The following WSCD2 variants were observed in gnomAD, a reference collection of about 807,000 sequenced individuals.
WSCD2 encodes the protein sialate:O-sulfotransferase 2.
A neutral mutation model predicts 55.7 loss-of-function variants in WSCD2; 28 were observed. The observed-to-expected ratio is 0.50, with a 90% CI of 0.37 to 0.69. The LOEUF (loss-of-function observed/expected upper bound fraction) is 0.69, where lower values mean the gene tolerates loss of function less well. WSCD2 is among the 30% of genes least tolerant of loss of function. The pLI is 0.00. For missense variants in WSCD2, 616 were observed against 762.1 expected, an observed-to-expected ratio of 0.81 and a Z score of 2.26; for synonymous variants, 301 against 301.9, an observed-to-expected ratio of 1.00 and a Z score of 0.03.
intron 1 of WSCD2, among the ~76,000 whole-genome samples, chr12:108,147,770 T>C (rs977363133): frequency 6.6e-6 from 1 of 151,956 alleles, no homozygotes; most frequent in African/African-American, 2.4e-5. Flanking sequence ...TCCCAGCTTC[T>C]TGGGGAGCTG....
In WSCD2 at chr12:108,211,235, C is replaced by T. The variant is rs568782907; in HGVS notation, c.682+930C>T. On this transcript the variant is annotated intron_variant, in intron 4 of 8. Transcript: ENST00000547525. ...TGGGCTTGATAAAAGATGGGGGGTG[C>T]TGACCTTTCTGGGGGTTACCCCTCC... Among the ~76,000 whole-genome samples the T allele has an allele frequency of 3.9e-5, 6 of 152,298 alleles. No individual in the cohort carries two copies. The East Asian group carries it at 1.2e-3, about 29-fold the overall frequency.
intron 4 of WSCD2, 40 bp from the exon 5 acceptor site, chr12:108,224,699 C>T (rs1384619598): frequency 6.3e-7 from 1 of 1,594,898 alleles, no homozygotes; most frequent in Non-Finnish European, 8.5e-7. Context: ...GATCTGACTC[C>T]TTGTATATCT....
chr12:108,186,668 T>G lies in WSCD2; in HGVS notation c.-551-8614T>G, dbSNP rs149372137. ...ATGCATTTAAGTTTCCTCCATGTCA[T>G]TTAGCCCTGAATAATACTCCACTGT... On this transcript the variant is annotated intron_variant, in intron 1 of 8. Coordinates refer to ENST00000547525, the MANE Select transcript of WSCD2 (RefSeq NM_014653.4). Among the ~76,000 whole-genome samples the G allele has an allele frequency of 2.0e-3, 302 of 152,334 alleles. 1 individual carries two copies. The highest frequency in any genetic ancestry group is 3.4e-3 in the Non-Finnish European group (231 of 68,026).
chr12:108,245,452 A>T (rs1180807334), intron 8 of WSCD2, among the ~76,000 whole-genome samples: 3 of 152,182 alleles, frequency 2.0e-5, no homozygotes, highest in Non-Finnish European at 4.4e-5. Flanking sequence ...GCAGTCAACA[A>T]GGACACTCTG....
At chr12:108,134,800 A>G (rs1234326650) in intron 1 of WSCD2, among the ~76,000 whole-genome samples, 1 of 152,176 alleles carries the variant, frequency 6.6e-6, no homozygotes, top group African/African-American at 2.4e-5. Context: ...CAAAGTGTTT[A>G]CCAGGTGCAC....
At chr12:108,156,239 C>G (rs913648082) in intron 1 of WSCD2, among the ~76,000 whole-genome samples, 1 of 152,162 alleles carries the variant, frequency 6.6e-6, no homozygotes, top group Admixed American at 6.5e-5. Context: ...AGGCTCAGGT[C>G]CGTGTCCTGG....
At position 108,250,202 on chromosome 12, in the gene WSCD2, G is replaced by GTGT. The variant is rs1566005797; in HGVS notation, c.*1859_*1860insTGT. 0.012 allele frequency: 1,550 copies of GTGT among 129,262 alleles called. 9 individuals carry two copies. The highest frequency in any genetic ancestry group is 0.021 in the African/African-American group (655 of 30,534). The allele number at this position is 129,262 out of a possible 1,614,324, so 8.0% of individuals were successfully genotyped here. ...TGTGTGTGTGTGTGTGTGTGTGTAT[G>GTGT]AGAGAGAGAGAGAGAGACAACAGAG... On this transcript the variant is annotated 3_prime_UTR_variant, in exon 9 of 9. Transcript: ENST00000547525.
intron 1 of WSCD2, among the ~76,000 whole-genome samples, chr12:108,136,425 G>C (rs1876220783): frequency 6.7e-6 from 1 of 150,304 alleles, no homozygotes; most frequent in South Asian, 2.1e-4. Flanking sequence ...TTTCTAATTG[G>C]AGTAGCACTA....
chr12:108,179,018 T>C (rs1023902865), intron 1 of WSCD2, among the ~76,000 whole-genome samples: 2 of 152,230 alleles, frequency 1.3e-5, no homozygotes, highest in Admixed American at 1.3e-4. Context: ...CTGTGTCTCA[T>C]GGGCATTAAT....
In WSCD2 at chr12:108,187,868, C is replaced by T. The variant is rs181207801; in HGVS notation, c.-551-7414C>T. ...AGATGCAGGAGTGTGTGACTCTGGC[C>T]CTGACCCCTTTCCACGTTTCCTCTC... On this transcript the variant is annotated intron_variant, in intron 1 of 8. Coordinates refer to ENST00000547525, the MANE Select transcript of WSCD2 (RefSeq NM_014653.4). 3.3e-3 allele frequency among the ~76,000 whole-genome samples: 496 copies of T among 152,258 alleles called. 3 individuals carry two copies. The highest frequency in any genetic ancestry group is 4.3e-3 in the Non-Finnish European group (291 of 68,016).
chr12:108,204,591 G>A (rs768742602), intron 2 of WSCD2, among the ~76,000 whole-genome samples: 32 of 152,214 alleles, frequency 2.1e-4, no homozygotes, highest in Admixed American at 3.3e-4. Flanking sequence ...AGGGGCGCGC[G>A]CTGTTGAACA....
At chr12:108,227,298 A>C in intron 6 of WSCD2, 134 bp downstream of exon 6, 1 of 1,080,764 alleles carries the variant, frequency 9.3e-7, no homozygotes, top group Non-Finnish European at 1.3e-6. Flanking sequence ...AGGGCTGATG[A>C]ACTCCACCAG....
intron 5 of WSCD2, among the ~76,000 whole-genome samples, chr12:108,225,822 T>G (rs545401399): frequency 6.6e-6 from 1 of 152,220 alleles, no homozygotes; most frequent in South Asian, 2.1e-4. Context: ...AGCTCCAGCT[T>G]TTTCTTAAAA....
intron 2 of WSCD2, among the ~76,000 whole-genome samples, chr12:108,205,307 A>G (rs1885210681): frequency 6.6e-6 from 1 of 152,174 alleles, no homozygotes; most frequent in Non-Finnish European, 1.5e-5. Flanking sequence ...TCTCTTCTGT[A>G]TACAACGGTA....
chr12:108,153,651 G>A (rs765508215), intron 1 of WSCD2, among the ~76,000 whole-genome samples: 7 of 152,194 alleles, frequency 4.6e-5, no homozygotes, highest in Non-Finnish European at 8.8e-5. Context: ...CTATGGAGAG[G>A]GTCACCTGCA....
intron 1 of WSCD2, among the ~76,000 whole-genome samples, chr12:108,152,074 G>C (rs999030165): frequency 6.6e-6 from 1 of 152,194 alleles, no homozygotes; most frequent in African/African-American, 2.4e-5. Context: ...CACAATGAGG[G>C]CATTTAGCTG....
intron 8 of WSCD2, among the ~76,000 whole-genome samples, chr12:108,242,689 G>A (rs55963892): frequency 0.16 from 24,167 of 152,126 alleles, 2,337 homozygotes; most frequent in African/African-American, 0.26. Flanking sequence ...AACGTGTGCC[G>A]TGGTGGTTTG....
intron 1 of WSCD2, among the ~76,000 whole-genome samples, chr12:108,190,469 C>G (rs771157446): frequency 1.3e-5 from 2 of 152,016 alleles, no homozygotes; most frequent in African/African-American, 2.4e-5. Context: ...GGAGTCAGCC[C>G]CCTACCCAGC....
chr12:108,216,027 T>C (rs1593052552), intron 4 of WSCD2, among the ~76,000 whole-genome samples: 1 of 152,168 alleles, frequency 6.6e-6, no homozygotes, highest in East Asian at 1.9e-4. Context: ...ATCCTTGGAC[T>C]CCCACTGTGG....
Sources: allele counts gnomAD v4.1 joint callset (sites outside exome capture counted in the v4.1 genomes callset), GRCh38; gene constraint gnomAD v4.1.1; transcripts MANE v1.5; gene names NCBI Gene and HGNC (gene_info 2026-07-23, HGNC 2026-07-21).